Variants in PCDHGA9 observed in about 807,000 individuals in gnomAD.
The protein encoded by PCDHGA9 is protocadherin gamma subfamily A, 9.
In PCDHGA9, 37 loss-of-function variants were observed where a neutral mutation model predicts 62.5. The ratio of observed to expected loss-of-function variants is 0.59; its 90% CI spans 0.46 to 0.78. PCDHGA9 has a LOEUF of 0.78. Among genes scored for constraint, PCDHGA9 ranks in the 30% least tolerant of loss-of-function variants. The probability of loss-of-function intolerance (pLI) is 0.00; values close to 1 mark genes in which losing one functional copy is unlikely to be tolerated. For missense variants in PCDHGA9, 1,138 were observed against 1,166.2 expected, an observed-to-expected ratio of 0.98 and a Z score of 0.35; for synonymous variants, 459 against 484.6, an observed-to-expected ratio of 0.95 and a Z score of 0.69.
chr5:141,480,712 A>G (rs559266864), intron 1 of PCDHGA9, among the ~76,000 whole-genome samples: 13 of 152,306 alleles, frequency 8.5e-5, no homozygotes, highest in African/African-American at 2.9e-4. Context: ...CCGACAAATG[A>G]AAGCACAGTC....
At position 141,423,654 on chromosome 5, in the gene PCDHGA9, T is replaced by C. The variant is rs768410507; in HGVS notation, c.2424+18278T>C. The C allele has an allele frequency of 6.3e-6, 10 of 1,583,982 alleles. No individual in the cohort carries two copies. The Admixed American group carries it at 1.8e-4, about 28-fold the overall frequency. ...TTTTAGGCAAATGTGACCCGACAAG[T>C]AATCAGGTGAGATTTATTTCTCTGC... On this transcript the variant is annotated intron_variant, in intron 1 of 3. Transcript: ENST00000573521.
Position 141,487,252 on chromosome 5 carries a change from G to T in PCDHGA9, c.2425-7555G>T. ...GAGAATCTCGTCTAACCCTCTACTT[G>T]GCTGTGTCCCTAGTGGCAATTTGCT... On this transcript the variant is annotated intron_variant, in intron 1 of 3. Transcript: ENST00000573521. The surrounding 1 kb of genome is among the most constrained non-coding windows in gnomAD (Gnocchi z 5.0). 1 of 1,614,110 alleles carries T rather than the reference G, an allele frequency of 6.2e-7. No homozygotes were observed. The highest frequency in any genetic ancestry group is 8.5e-7 in the Non-Finnish European group (1 of 1,180,014).
rs1358954122 is a variant in PCDHGA9, at chr5:141,491,553, C to T, written c.2425-3254C>T. On this transcript the variant is annotated intron_variant, in intron 1 of 3. Coordinates refer to ENST00000573521, the MANE Select transcript of PCDHGA9 (RefSeq NM_018921.3). This position sits in a 1 kb window ranked among gnomAD's most constrained non-coding sequence, Gnocchi z 6.9. ...CGCTGCGGCCCACAGACTCGCAGAG[C>T]CACTGCTACAGGACGTGCTTTTCAC... The T allele has an allele frequency of 6.2e-7, 1 of 1,613,954 alleles. No homozygotes were observed.
chr5:141,412,415 T>C (rs897201034), intron 1 of PCDHGA9: 5 of 152,248 alleles, frequency 3.3e-5, no homozygotes, highest in Non-Finnish European at 4.4e-5. Context: ...AGATAAAGTA[T>C]GTTTTACACA....
chr5:141,462,782 T>C (rs1397671639), intron 1 of PCDHGA9, among the ~76,000 whole-genome samples: 1 of 152,220 alleles, frequency 6.6e-6, no homozygotes, highest in Non-Finnish European at 1.5e-5. Flanking sequence ...TCATAATTTG[T>C]TGCTTATTTG....
chr5:141,485,151 T>G lies in PCDHGA9; in HGVS notation c.2425-9656T>G. The G allele has an allele frequency of 2.5e-6, 4 of 1,584,876 alleles. No individual in the cohort carries two copies. Among genetic ancestry groups the G allele is most frequent in the Non-Finnish European group, 3.5e-6 (4 of 1,156,528 alleles). ...GCTTCATCCGCGTCTCAGGAGCAAG[T>G]AGAGAATTAGCGGGCGGCAGCAATG... On this transcript the variant is annotated intron_variant, in intron 1 of 3. Coordinates refer to ENST00000573521, the MANE Select transcript of PCDHGA9 (RefSeq NM_018921.3). The surrounding 1 kb of genome is among the most constrained non-coding windows in gnomAD (Gnocchi z 5.7).
Position 141,489,992 on chromosome 5 carries a change from TC to T in PCDHGA9, c.2425-4812del. The T allele has an allele frequency of 6.2e-7, 1 of 1,614,216 alleles. No individual in the cohort carries two copies. The highest frequency in any genetic ancestry group is 8.5e-7 in the Non-Finnish European group (1 of 1,180,016). On this transcript the variant is annotated intron_variant, in intron 1 of 3. Coordinates refer to ENST00000573521, the MANE Select transcript of PCDHGA9 (RefSeq NM_018921.3). The surrounding 1 kb of genome is among the most constrained non-coding windows in gnomAD (Gnocchi z 4.5). The stretch of plus-strand genomic sequence containing the variant: ...CAATCCTCAGTTCTACGTGTGGGAA[TC>T]CCAGAGAATGCACCCATTGGTACTC...
At chr5:141,422,153 AT>A (rs750082013) in intron 1 of PCDHGA9, 4 of 1,575,250 alleles carry the variant, frequency 2.5e-6, no homozygotes, top group Non-Finnish European at 3.4e-6. Context: ...GGGTCTCTGG[AT>A]TTTGAAAAAT....
chr5:141,454,948 C>T (rs2098807728), intron 1 of PCDHGA9, among the ~76,000 whole-genome samples: 1 of 151,548 alleles, frequency 6.6e-6, no homozygotes, highest in Non-Finnish European at 1.5e-5. Flanking sequence ...GCTGGGACTA[C>T]AGGCGCCGGC....
chr5:141,450,678 G>C (rs1038323301), intron 1 of PCDHGA9, among the ~76,000 whole-genome samples: 1 of 151,854 alleles, frequency 6.6e-6, no homozygotes, highest in Non-Finnish European at 1.5e-5. Context: ...GTAGAAACGG[G>C]GTTTTGCCAT....
Position 141,404,242 on chromosome 5 carries a change from G to A in PCDHGA9, c.1290G>A (p.Pro430=), listed in dbSNP as rs372976589. 1.9e-5 allele frequency: 30 copies of A among 1,613,344 alleles called. No homozygotes were observed. The highest frequency in any genetic ancestry group is 2.4e-5 in the Non-Finnish European group (28 of 1,179,678). ...ITVTATDRGT[P]PLSTEIHITL... ...TGACTGCAACAGACAGAGGAACTCC[G>A]CCCCTGTCCACAGAAATTCACATCA... Residue 430 remains proline (P), a synonymous_variant, in exon 1 of 4, where the codon CCG becomes CCA. Coordinates refer to ENST00000573521, the MANE Select transcript of PCDHGA9 (RefSeq NM_018921.3).
At chr5:141,409,389 C>T (rs1445649056) in intron 1 of PCDHGA9, 2 of 1,613,888 alleles carry the variant, frequency 1.2e-6, no homozygotes, top group Non-Finnish European at 1.7e-6. Flanking sequence ...AAGATTTATT[C>T]TTCTTCCAAT....
In PCDHGA9 at chr5:141,491,893, G is replaced by A; in HGVS notation, c.2425-2914G>A. The stretch of plus-strand genomic sequence containing the variant: ...GGCCGATTAAGGGATGGGGCTCCGA[G>A]CACCGGGGGTGGTGGCGACTGTGGG... On this transcript the variant is annotated intron_variant, in intron 1 of 3. Transcript: ENST00000573521. This position sits in a 1 kb window ranked among gnomAD's most constrained non-coding sequence, Gnocchi z 6.9. 9 of 1,438,856 alleles carry A rather than the reference G, an allele frequency of 6.3e-6. No individual in the cohort carries two copies. Among genetic ancestry groups the A allele is most frequent in the Non-Finnish European group, 8.3e-6 (9 of 1,088,104 alleles). 89.1% of individuals were successfully genotyped at this position (1,438,856 alleles called of 1,614,324 possible). A position where few individuals can be genotyped will look rare whatever the true frequency, so the allele number is the denominator to read the frequency against.
Position 141,424,835 on chromosome 5 carries a change from T to C in PCDHGA9, c.2424+19459T>C, listed in dbSNP as rs999861185. Among the ~76,000 whole-genome samples, 20 of 152,310 alleles carry C rather than the reference T, an allele frequency of 1.3e-4. No individual in the cohort carries two copies. The South Asian group carries it at 3.5e-3, about 27-fold the overall frequency. On this transcript the variant is annotated intron_variant, in intron 1 of 3. Coordinates refer to ENST00000573521, the MANE Select transcript of PCDHGA9 (RefSeq NM_018921.3). ...AAGCTTGATAGTTGCCTGACATACA[T>C]GTTATCTGAAGCAATGTCTAGGAAA... is the stretch of plus-strand genomic sequence containing the variant.
chr5:141,476,421 C>T lies in PCDHGA9; in HGVS notation c.2425-18386C>T, dbSNP rs765688262. On this transcript the variant is annotated intron_variant, in intron 1 of 3. Coordinates refer to ENST00000573521, the MANE Select transcript of PCDHGA9 (RefSeq NM_018921.3). The surrounding 1 kb of genome is among the most constrained non-coding windows in gnomAD (Gnocchi z 7.6). ...CGAGAGGAGCTGTGTGGGACACTGC[C>T]CTCTTGCACTGTAACTCTGGAGTTG... 1 of 1,614,026 alleles carries T rather than the reference C, an allele frequency of 6.2e-7. No homozygotes were observed. The highest frequency in any genetic ancestry group is 8.5e-7 in the Non-Finnish European group (1 of 1,179,994).
intron 1 of PCDHGA9, chr5:141,426,597 T>C (rs2096946172): frequency 2.6e-6 from 1 of 377,476 alleles, no homozygotes. Context: ...TGTCATACCC[T>C]TAGAGATTGT....
At chr5:141,446,061 AG>A (rs903957950) in intron 1 of PCDHGA9, among the ~76,000 whole-genome samples, 3 of 152,226 alleles carry the variant, frequency 2.0e-5, no homozygotes, top group African/African-American at 7.2e-5. Context: ...CTTGGATTAA[AG>A]GGGAGGCAGT....
intron 1 of PCDHGA9, chr5:141,414,885 C>T: frequency 6.2e-7 from 1 of 1,614,224 alleles, no homozygotes; most frequent in South Asian, 1.1e-5. Context: ...TGTACCCCGC[C>T]CTCCCCACAG....
At position 141,486,679 on chromosome 5, in the gene PCDHGA9, A is replaced by G. The variant is rs1416879364; in HGVS notation, c.2425-8128A>G. The G allele has an allele frequency of 6.2e-7, 1 of 1,614,092 alleles. No individual in the cohort carries two copies. The highest frequency in any genetic ancestry group is 1.7e-5 in the Admixed American group (1 of 60,026). On this transcript the variant is annotated intron_variant, in intron 1 of 3. Coordinates refer to ENST00000573521, the MANE Select transcript of PCDHGA9 (RefSeq NM_018921.3). The surrounding 1 kb of genome is among the most constrained non-coding windows in gnomAD (Gnocchi z 5.0). Reference sequence around the variant, plus strand: ...TCCTGGAGCCCAGGAATCGAGATGTATCAGCTTCCTCTTTCATCTCTCTGA... The same window carrying G: ...TCCTGGAGCCCAGGAATCGAGATGTGTCAGCTTCCTCTTTCATCTCTCTGA...
Sources: allele counts gnomAD v4.1 joint callset (sites outside exome capture counted in the v4.1 genomes callset), GRCh38; gene constraint gnomAD v4.1.1; non-coding constraint Gnocchi (gnomAD v3.1); transcripts MANE v1.5; gene names NCBI Gene and HGNC (gene_info 2026-07-23, HGNC 2026-07-21).